The following EXOC4 variants were observed in gnomAD, a reference collection of about 807,000 sequenced individuals.
EXOC4 encodes exocyst complex component 4, also known as SEC8-like 1.
A neutral mutation model predicts 107.2 loss-of-function variants in EXOC4; 71 were observed. The observed-to-expected ratio is 0.66, with a 90% CI of 0.55 to 0.81. The LOEUF (loss-of-function observed/expected upper bound fraction) is 0.81. Among genes scored for constraint, EXOC4 ranks in the 30% least tolerant of loss-of-function variants. EXOC4 has a pLI of 0.00. For synonymous variants in EXOC4, 456 were observed against 441.2 expected (o/e 1.03, Z -0.42); for missense variants, 1,108 against 1,189.6 (o/e 0.93, Z 1.01).
intron 10 of EXOC4, among the ~76,000 whole-genome samples, chr7:133,794,089 A>C (rs1796762984): frequency 6.6e-6 from 1 of 152,136 alleles, no homozygotes; most frequent in African/African-American, 2.4e-5. Context: ...AGGTAGGTTC[A>C]AGGACCTTGA....
At chr7:133,559,378 AT>A (rs1463182858) in intron 9 of EXOC4, among the ~76,000 whole-genome samples, 1 of 151,908 alleles carries the variant, frequency 6.6e-6, no homozygotes, top group Non-Finnish European at 1.5e-5. Flanking sequence ...TCATTGTTTA[AT>A]TTTTCTGTAT....
At chr7:133,421,361 G>C (rs1797600561) in intron 7 of EXOC4, among the ~76,000 whole-genome samples, 1 of 152,174 alleles carries the variant, frequency 6.6e-6, no homozygotes, top group South Asian at 2.1e-4. Context: ...GGGTCACACA[G>C]ATTCTCCATC....
At chr7:133,317,706 G>A (rs983560308) in intron 5 of EXOC4, among the ~76,000 whole-genome samples, 3 of 151,686 alleles carry the variant, frequency 2.0e-5, no homozygotes, top group Non-Finnish European at 2.9e-5. Flanking sequence ...TTTTGAGACG[G>A]AGTCTCGCTC....
chr7:133,669,127 C>T (rs1420925225), intron 10 of EXOC4, among the ~76,000 whole-genome samples: 2 of 151,160 alleles, frequency 1.3e-5, no homozygotes, highest in African/African-American at 4.9e-5. Context: ...TTTCTCTTCC[C>T]CATTACCACT....
chr7:133,786,879 A>G (rs1474540092), intron 10 of EXOC4, among the ~76,000 whole-genome samples: 1 of 152,254 alleles, frequency 6.6e-6, no homozygotes, highest in Non-Finnish European at 1.5e-5. Flanking sequence ...TATGTTCAGC[A>G]TCTGCTATGC....
At chr7:133,482,370 A>T (rs1799177227) in intron 9 of EXOC4, among the ~76,000 whole-genome samples, 1 of 152,082 alleles carries the variant, frequency 6.6e-6, no homozygotes. Flanking sequence ...CTATGGTTAC[A>T]TAGGGACCGA....
At chr7:133,749,415 C>T (rs565494830) in intron 10 of EXOC4, among the ~76,000 whole-genome samples, 4 of 152,100 alleles carry the variant, frequency 2.6e-5, no homozygotes, top group East Asian at 3.9e-4. Context: ...TTTTTTGAGC[C>T]AGAGTCTCAC....
chr7:133,759,062 A>G (rs1033938764), intron 10 of EXOC4, among the ~76,000 whole-genome samples: 14 of 152,054 alleles, frequency 9.2e-5, no homozygotes, highest in African/African-American at 2.9e-4. Flanking sequence ...GGATTTAGGG[A>G]TTGCTCCCCA....
At chr7:133,356,926 G>A (rs1158099838) in intron 6 of EXOC4, among the ~76,000 whole-genome samples, 1 of 152,234 alleles carries the variant, frequency 6.6e-6, no homozygotes, top group African/African-American at 2.4e-5. Flanking sequence ...GTTGCAGTGA[G>A]CCGAGATTGC....
At chr7:133,485,079 C>CAAAAAAAAAA (rs1491252321) in intron 9 of EXOC4, among the ~76,000 whole-genome samples, 2 of 27,858 alleles carry the variant, frequency 7.2e-5, no homozygotes, top group African/African-American at 2.3e-4. Flanking sequence ...GACTCCGTCT[C>CAAAAAAAAAA]AAAAAATAAA....
intron 9 of EXOC4, among the ~76,000 whole-genome samples, chr7:133,560,481 C>G (rs1235782747): frequency 6.6e-6 from 1 of 152,092 alleles, no homozygotes; most frequent in Admixed American, 6.6e-5. Flanking sequence ...GATGGGGTTT[C>G]ATCATGTTGG....
intron 9 of EXOC4, among the ~76,000 whole-genome samples, chr7:133,584,436 T>A (rs1801348765): frequency 6.6e-6 from 1 of 152,292 alleles, no homozygotes; most frequent in Non-Finnish European, 1.5e-5. Flanking sequence ...TTGGGAGTCT[T>A]CTCTGACAAT....
At chr7:133,517,213 G>A (rs907391673) in intron 9 of EXOC4, among the ~76,000 whole-genome samples, 1 of 152,032 alleles carries the variant, frequency 6.6e-6, no homozygotes, top group African/African-American at 2.4e-5. Flanking sequence ...GTGTAGGGTT[G>A]GGAAGGAGGA....
intron 17 of EXOC4, among the ~76,000 whole-genome samples, chr7:134,041,534 A>C (rs1218199401): frequency 7.2e-5 from 11 of 152,282 alleles, no homozygotes; most frequent in Admixed American, 4.6e-4. Context: ...TTTTATATAA[A>C]ATTGTGGTTA....
intron 10 of EXOC4, among the ~76,000 whole-genome samples, chr7:133,704,766 T>G (rs1794732913): frequency 6.6e-6 from 1 of 152,190 alleles, no homozygotes; most frequent in Admixed American, 6.5e-5. Flanking sequence ...CTGAATAAAC[T>G]GTGTTGTACA....
At chr7:133,470,862 C>G (rs1357879482) in intron 7 of EXOC4, among the ~76,000 whole-genome samples, 2 of 151,978 alleles carry the variant, frequency 1.3e-5, no homozygotes, top group Non-Finnish European at 2.9e-5. Flanking sequence ...TTTCTTCACG[C>G]AAATGTTAAT....
intron 11 of EXOC4, among the ~76,000 whole-genome samples, chr7:133,863,570 A>G (rs968895293): frequency 3.9e-5 from 6 of 152,176 alleles, no homozygotes; most frequent in African/African-American, 1.4e-4. Context: ...CCAGCAAGAG[A>G]GGCTTCTGGA....
chr7:134,000,124 C>G (rs1461202620), intron 15 of EXOC4, among the ~76,000 whole-genome samples: 2 of 152,028 alleles, frequency 1.3e-5, no homozygotes, highest in Non-Finnish European at 2.9e-5. Context: ...AACATGGTTC[C>G]AACACTCAGG....
chr7:134,096,171 A>G, the EXOC4 span, among the ~76,000 whole-genome samples: 30 of 152,346 alleles, frequency 2.0e-4, no homozygotes, highest in Non-Finnish European at 3.8e-4. Flanking sequence ...TACAACAAAT[A>G]TATGAAAAAA....
Sources: gnomAD v4.1 joint callset for allele counts (sites outside exome capture counted in the v4.1 genomes callset) on GRCh38, gnomAD v4.1.1 for gene constraint, MANE v1.5 for transcripts, NCBI Gene and HGNC (gene_info 2026-07-23, HGNC 2026-07-21) for gene names.